Variants in ZMAT4 observed in about 807,000 individuals in gnomAD.
ZMAT4 encodes zinc finger matrin-type protein 4.
In ZMAT4, 17 loss-of-function variants were observed where a neutral mutation model predicts 28.7. The ratio of observed to expected loss-of-function variants is 0.59; its 90% CI spans 0.41 to 0.89. The LOEUF is 0.89. ZMAT4 is among the 40% of genes least tolerant of loss of function. The pLI is 0.00. For missense variants in ZMAT4, 240 were observed against 283.8 expected (o/e 0.85, Z 1.11); for synonymous variants, 117 against 109.2 (o/e 1.07, Z -0.44).
intron 6 of ZMAT4, among the ~76,000 whole-genome samples, chr8:40,533,709 T>A (rs1039000817): frequency 2.0e-5 from 3 of 152,258 alleles, no homozygotes; most frequent in African/African-American, 7.2e-5. Context: ...ACTATATGCA[T>A]ATTTTTAAAA....
intron 4 of ZMAT4, among the ~76,000 whole-genome samples, chr8:40,690,404 AG>A (rs1408847818): frequency 6.6e-6 from 1 of 152,244 alleles, no homozygotes; most frequent in Non-Finnish European, 1.5e-5. Flanking sequence ...TTATGAGCTT[AG>A]AAAAGCCAAA....
intron 5 of ZMAT4, among the ~76,000 whole-genome samples, chr8:40,635,140 C>A (rs2589870): frequency 6.6e-6 from 1 of 151,966 alleles, no homozygotes; most frequent in Admixed American, 6.6e-5. Flanking sequence ...AACAGTGTTC[C>A]AGGTTTTGTC....
chr8:40,563,513 C>T (rs1803815488), intron 6 of ZMAT4, among the ~76,000 whole-genome samples: 2 of 152,026 alleles, frequency 1.3e-5, no homozygotes, highest in Admixed American at 1.3e-4. Flanking sequence ...TGCTAGGAAA[C>T]CATAAATATA....
At chr8:40,853,295 G>T (rs549318229) in intron 1 of ZMAT4, among the ~76,000 whole-genome samples, 6 of 152,170 alleles carry the variant, frequency 3.9e-5, no homozygotes, top group Non-Finnish European at 8.8e-5. Flanking sequence ...AGTGGCTCAC[G>T]CCTGTAATCC....
intron 5 of ZMAT4, among the ~76,000 whole-genome samples, chr8:40,636,368 T>C (rs2599649): frequency 0.55 from 84,286 of 152,016 alleles, 24,249 homozygotes; most frequent in East Asian, 0.69. Context: ...TCTCTGACAT[T>C]GAGCCAAAGA....
At chr8:40,834,371 C>T (rs1816401375) in intron 1 of ZMAT4, among the ~76,000 whole-genome samples, 2 of 152,098 alleles carry the variant, frequency 1.3e-5, no homozygotes, top group Admixed American at 6.6e-5. Flanking sequence ...CTCCAGGGGG[C>T]ATGAGCAGAG....
At chr8:40,696,030 G>A (rs1809872329) in intron 4 of ZMAT4, among the ~76,000 whole-genome samples, 1 of 152,032 alleles carries the variant, frequency 6.6e-6, no homozygotes, top group Non-Finnish European at 1.5e-5. Flanking sequence ...GTTACAAGGT[G>A]AATATGCAAC....
chr8:40,573,316 C>T (rs1413940180), intron 6 of ZMAT4, among the ~76,000 whole-genome samples: 4 of 152,152 alleles, frequency 2.6e-5, no homozygotes, highest in Non-Finnish European at 5.9e-5. Flanking sequence ...AGTGTGAAAT[C>T]AAGGTGTCAG....
intron 3 of ZMAT4, among the ~76,000 whole-genome samples, chr8:40,738,523 A>G (rs1487884958): frequency 1.3e-5 from 2 of 152,226 alleles, no homozygotes; most frequent in Admixed American, 1.3e-4. Flanking sequence ...ATCTTAAAGT[A>G]CAGGGGATGG....
chr8:40,732,210 C>T (rs1348068305), intron 3 of ZMAT4, among the ~76,000 whole-genome samples: 6 of 151,984 alleles, frequency 3.9e-5, no homozygotes, highest in South Asian at 4.2e-4. Flanking sequence ...ATGCCTAAGA[C>T]GGTAAATTTT....
intron 2 of ZMAT4, among the ~76,000 whole-genome samples, chr8:40,798,317 C>T (rs1722510895): frequency 6.6e-6 from 1 of 152,200 alleles, no homozygotes; most frequent in African/African-American, 2.4e-5. Context: ...ATTTATCAAG[C>T]TCCACAGTAG....
chr8:40,765,169 A>C (rs1813098347), intron 3 of ZMAT4, among the ~76,000 whole-genome samples: 2 of 152,142 alleles, frequency 1.3e-5, no homozygotes, highest in African/African-American at 4.8e-5. Context: ...CGGACCCAGC[A>C]ATGGCTTCAA....
chr8:40,724,634 C>T (rs1321676398), intron 3 of ZMAT4, among the ~76,000 whole-genome samples: 1 of 152,132 alleles, frequency 6.6e-6, no homozygotes, highest in African/African-American at 2.4e-5. Context: ...CAGTCAACCT[C>T]AATGCACTGT....
At chr8:40,654,903 A>G (rs1248317553) in intron 5 of ZMAT4, among the ~76,000 whole-genome samples, 2 of 152,190 alleles carry the variant, frequency 1.3e-5, no homozygotes, top group African/African-American at 4.8e-5. Flanking sequence ...AAGTATGCCC[A>G]TGCTTGCCAC....
intron 2 of ZMAT4, among the ~76,000 whole-genome samples, chr8:40,818,545 A>G (rs527720314): frequency 6.6e-6 from 1 of 152,356 alleles, no homozygotes; most frequent in African/African-American, 2.4e-5. Flanking sequence ...TGATGCCAAG[A>G]CGTTCAAAAA....
chr8:40,836,018 ACTAT>A (rs2150622146), intron 1 of ZMAT4, among the ~76,000 whole-genome samples: 1 of 152,286 alleles, frequency 6.6e-6, no homozygotes, highest in African/African-American at 2.4e-5. Flanking sequence ...GAAGGGACTC[ACTAT>A]CCAGTTTCTC....
chr8:40,892,702 T>A (rs1206708746), intron 1 of ZMAT4, among the ~76,000 whole-genome samples: 2 of 152,214 alleles, frequency 1.3e-5, no homozygotes, highest in Non-Finnish European at 2.9e-5. Context: ...CAAGGCCTGT[T>A]ACCTCTCTGG....
intron 5 of ZMAT4, among the ~76,000 whole-genome samples, chr8:40,633,447 A>C (rs1238419316): frequency 1.3e-5 from 2 of 152,158 alleles, no homozygotes; most frequent in African/African-American, 4.8e-5. Context: ...AACCACTGGG[A>C]CCCTCGGCAG....
At chr8:40,560,451 G>C (rs1159914036) in intron 6 of ZMAT4, among the ~76,000 whole-genome samples, 5 of 151,750 alleles carry the variant, frequency 3.3e-5, no homozygotes, top group African/African-American at 1.2e-4. Context: ...TGCAGATGAA[G>C]CTATGAATTC....
Sources: gnomAD v4.1 joint callset for allele counts (sites outside exome capture counted in the v4.1 genomes callset) on GRCh38, gnomAD v4.1.1 for gene constraint, MANE v1.5 for transcripts, NCBI Gene and HGNC (gene_info 2026-07-23, HGNC 2026-07-21) for gene names.